FOXO3: variants seen among roughly 807,000 people sequenced by gnomAD.
The protein encoded by FOXO3 is forkhead box protein O3.
FOXO3 carries 4 observed loss-of-function variants against 41.9 expected under a neutral mutation model. The ratio of observed to expected loss-of-function variants is 0.10; its 90% CI spans 0.05 to 0.22. The LOEUF is 0.22. Among genes scored for constraint, FOXO3 ranks in the 10% least tolerant of loss-of-function variants. The pLI, the probability that FOXO3 is intolerant of heterozygous loss-of-function variation, is 1.00. For missense variants in FOXO3, 534 were observed against 906.8 expected, an observed-to-expected ratio of 0.59 and a Z score of 5.28; for synonymous variants, 318 against 389.3, an observed-to-expected ratio of 0.82 and a Z score of 2.16.
At chr6:108,679,308 A>T (rs1582845827) in intron 2 of FOXO3, among the ~76,000 whole-genome samples, 1 of 151,768 alleles carries the variant, frequency 6.6e-6, no homozygotes, top group Non-Finnish European at 1.5e-5. Context: ...TTTCATCTCC[A>T]CTGGTGTTGG....
chr6:108,582,854 G>A (rs149495926), intron 1 of FOXO3, among the ~76,000 whole-genome samples: 1 of 152,154 alleles, frequency 6.6e-6, no homozygotes, highest in African/African-American at 2.4e-5. Context: ...CTTCTCAGCA[G>A]CCCTGCTTTA....
intron 2 of FOXO3, among the ~76,000 whole-genome samples, chr6:108,675,570 AGT>A (rs1371283106): frequency 2.6e-5 from 4 of 152,114 alleles, no homozygotes; most frequent in Non-Finnish European, 5.9e-5. Flanking sequence ...ATCTCTCCTA[AGT>A]GTTCCATATT....
chr6:108,616,503 G>A (rs1777518952), intron 1 of FOXO3, among the ~76,000 whole-genome samples: 1 of 151,954 alleles, frequency 6.6e-6, no homozygotes, highest in Non-Finnish European at 1.5e-5. Flanking sequence ...TCGCTGTGTT[G>A]GCCAGGCTGG....
intron 1 of FOXO3, among the ~76,000 whole-genome samples, chr6:108,605,395 G>A (rs1445176630): frequency 2.0e-5 from 3 of 152,010 alleles, no homozygotes; most frequent in African/African-American, 7.2e-5. Context: ...GGGATTACAG[G>A]TGTGAGCCAC....
At chr6:108,619,377 A>G (rs1041506515) in intron 1 of FOXO3, among the ~76,000 whole-genome samples, 2 of 152,262 alleles carry the variant, frequency 1.3e-5, no homozygotes, top group Non-Finnish European at 2.9e-5. Context: ...TAGTCATCAA[A>G]TAATACTTAT....
chr6:108,665,812 G>GAAAAAAAAAAAAAAAAAAA (rs34062396), intron 2 of FOXO3, among the ~76,000 whole-genome samples: 2 of 125,432 alleles, frequency 1.6e-5, no homozygotes, highest in Non-Finnish European at 3.2e-5. Context: ...CTATCTCTTA[G>GAAAAAAAAAAAAAAAAAAA]AAAAAAAAAA....
intron 1 of FOXO3, among the ~76,000 whole-genome samples, chr6:108,575,524 C>G (rs1439084840): frequency 2.6e-5 from 4 of 152,118 alleles, no homozygotes; most frequent in Non-Finnish European, 4.4e-5. Flanking sequence ...CAAAACAAAA[C>G]TACCTAATTT....
rs958545199 is a variant in FOXO3 at position 108,680,521 on chromosome 6, T to C, written c.*729T>C. ...GTGGAGCACAGCGTCCGGCCCAGTG[T>C]GTTTCCGGTTCTGAGTCAGGGTGAT... On this transcript the variant is annotated 3_prime_UTR_variant, in exon 3 of 3. Coordinates refer to ENST00000406360, the MANE Select transcript of FOXO3 (RefSeq NM_001455.4). The C allele has an allele frequency of 2.0e-5, 3 of 152,316 alleles. No individual in the cohort carries two copies. Among genetic ancestry groups the C allele is most frequent in the Non-Finnish European group, 4.4e-5 (3 of 68,066 alleles). 9.4% of individuals were successfully genotyped at this position (152,316 alleles called of 1,614,324 possible).
chr6:108,664,947 G>A, intron 2 of FOXO3, 58 bp downstream of exon 2: 1 of 1,484,374 alleles, frequency 6.7e-7, no homozygotes, highest in East Asian at 2.3e-5. Flanking sequence ...GGGGATCTCT[G>A]GGGGAGCCTG....
intron 1 of FOXO3, among the ~76,000 whole-genome samples, chr6:108,569,578 A>G (rs996650505): frequency 5.9e-5 from 9 of 152,192 alleles, no homozygotes; most frequent in Non-Finnish European, 1.3e-4. Context: ...AGTTACTACT[A>G]TGGAATAACA....
upstream of FOXO3, among the ~76,000 whole-genome samples, chr6:108,560,301 G>C (rs1221443987): frequency 6.6e-6 from 1 of 152,122 alleles, no homozygotes; most frequent in South Asian, 2.1e-4. Context: ...TCCCTCCCCC[G>C]GATCCCGACT....
intron 2 of FOXO3, among the ~76,000 whole-genome samples, chr6:108,670,600 A>T (rs970054003): frequency 6.6e-6 from 1 of 152,128 alleles, no homozygotes; most frequent in African/African-American, 2.4e-5. Context: ...ACACATTATG[A>T]ACTTTTTAGG....
chr6:108,572,970 G>A (rs1469168549), intron 1 of FOXO3, among the ~76,000 whole-genome samples: 4 of 152,050 alleles, frequency 2.6e-5, no homozygotes, highest in Non-Finnish European at 5.9e-5. Context: ...GTGTGGGTGG[G>A]ACTTTGGGTG....
At position 108,561,841 on chromosome 6, in the gene FOXO3, C is replaced by T. The variant is rs540447027; in HGVS notation, c.621+12C>T. 9 of 1,527,332 alleles carry T rather than the reference C, an allele frequency of 5.9e-6. No individual in the cohort carries two copies. The Admixed American group carries it at 1.0e-4, about 17-fold the overall frequency. The allele number at this position is 1,527,332 out of a possible 1,614,324, so 94.6% of individuals were successfully genotyped here. On this transcript the variant is annotated intron_variant, in intron 1 of 2. Coordinates refer to ENST00000406360, the MANE Select transcript of FOXO3 (RefSeq NM_001455.4). ...CTGCCGGCTGGAAGGTGCGTACCCA[C>T]CCCGGGCTGGCAGCAGGACCCGCCG...
intron 1 of FOXO3, among the ~76,000 whole-genome samples, chr6:108,579,866 T>C (rs570942146): frequency 1.3e-5 from 2 of 152,240 alleles, no homozygotes; most frequent in East Asian, 3.9e-4. Context: ...GGACATCACC[T>C]GCTTGACCCC....
intron 1 of FOXO3, among the ~76,000 whole-genome samples, chr6:108,630,422 C>T (rs1777933384): frequency 1.3e-5 from 2 of 152,092 alleles, no homozygotes; most frequent in African/African-American, 4.8e-5. Flanking sequence ...GAGGCAGTGC[C>T]TGAGGTATGT....
chr6:108,673,142 T>C (rs1010983324), intron 2 of FOXO3, among the ~76,000 whole-genome samples: 1 of 152,188 alleles, frequency 6.6e-6, no homozygotes, highest in Admixed American at 6.5e-5. Context: ...AAGGTGACCC[T>C]AATGTTTACC....
At chr6:108,674,177 G>T (rs1770475559) in intron 2 of FOXO3, among the ~76,000 whole-genome samples, 1 of 152,190 alleles carries the variant, frequency 6.6e-6, no homozygotes, top group Non-Finnish European at 1.5e-5. Context: ...CAGGCAGTAG[G>T]TTCTGCCTGG....
intron 1 of FOXO3, among the ~76,000 whole-genome samples, chr6:108,564,726 A>AAT (rs1293905768): frequency 6.6e-6 from 1 of 152,130 alleles, no homozygotes; most frequent in African/African-American, 2.4e-5. Context: ...GAAAAATACA[A>AAT]ATACCCAGAG....
Sources: allele counts gnomAD v4.1 joint callset (sites outside exome capture counted in the v4.1 genomes callset), GRCh38; gene constraint gnomAD v4.1.1; transcripts MANE v1.5; gene names NCBI Gene and HGNC (gene_info 2026-07-23, HGNC 2026-07-21).